Variants in EPM2A observed in about 807,000 individuals in gnomAD.
The protein encoded by EPM2A is laforin.
A neutral mutation model predicts 26.5 loss-of-function variants in EPM2A; 21 were observed. That is an observed-to-expected ratio of 0.79 (90% CI 0.56 to 1.14). EPM2A has a LOEUF of 1.14. Among genes scored for constraint, EPM2A ranks in the 50% most tolerant of loss-of-function variants. EPM2A has a pLI of 0.00. For missense variants in EPM2A, 458 were observed against 440.8 expected, an observed-to-expected ratio of 1.04 and a Z score of -0.35; for synonymous variants, 217 against 177.6, an observed-to-expected ratio of 1.22 and a Z score of -1.76.
chr6:145,701,935 A>G (rs1163556182), intron 1 of EPM2A, among the ~76,000 whole-genome samples: 2 of 152,198 alleles, frequency 1.3e-5, no homozygotes, highest in African/African-American at 4.8e-5. Context: ...AGCAAGAAAG[A>G]GAGTACCAGT....
intron 4 of EPM2A, among the ~76,000 whole-genome samples, chr6:145,471,799 G>A (rs1779477609): frequency 6.6e-6 from 1 of 152,086 alleles, no homozygotes; most frequent in East Asian, 1.9e-4. Flanking sequence ...CTGTTTCTAA[G>A]AAAACTTGAA....
At chr6:145,693,010 G>A (rs2128619902) in intron 1 of EPM2A, among the ~76,000 whole-genome samples, 1 of 152,086 alleles carries the variant, frequency 6.6e-6, no homozygotes, top group Middle Eastern at 3.4e-3. Context: ...GGGTAGTATG[G>A]CCACTTGAGC....
intron 4 of EPM2A, chr6:145,489,520 C>A: frequency 1.6e-6 from 1 of 608,818 alleles, no homozygotes; most frequent in Non-Finnish European, 2.8e-6. Flanking sequence ...AGCACAACAA[C>A]AAATAGCTTA....
At chr6:145,600,000 T>A (rs10457788) in intron 2 of EPM2A, among the ~76,000 whole-genome samples, 53,368 of 151,900 alleles carry the variant, frequency 0.35, 9,976 homozygotes, top group South Asian at 0.51. Context: ...TAAATTGTAT[T>A]TTCTAACATG....
At chr6:145,630,633 G>A (rs552331743) in intron 3 of EPM2A, 1 of 152,272 alleles carries the variant, frequency 6.6e-6, no homozygotes, top group South Asian at 2.1e-4. Context: ...GGGTACCAGA[G>A]AAGTAGCTGG....
chr6:145,554,048 C>T (rs1415442925), intron 2 of EPM2A, among the ~76,000 whole-genome samples: 4 of 151,634 alleles, frequency 2.6e-5, no homozygotes, highest in Admixed American at 1.3e-4. Context: ...TGTCAAAGCA[C>T]CTTACCATAA....
chr6:145,513,924 G>T (rs116747520), intron 2 of EPM2A, among the ~76,000 whole-genome samples: 2,064 of 152,232 alleles, frequency 0.014, 44 homozygotes, highest in African/African-American at 0.045. Flanking sequence ...CCTGCTACTT[G>T]TCCAATGCAA....
At chr6:145,628,372 T>G (rs1582915547) in intron 3 of EPM2A, 1 of 153,606 alleles carries the variant, frequency 6.5e-6, no homozygotes, top group East Asian at 1.9e-4. Context: ...TATTCAAATA[T>G]CTTCTCAACA....
chr6:145,601,416 A>G (rs1406711947), intron 2 of EPM2A, among the ~76,000 whole-genome samples: 1 of 152,190 alleles, frequency 6.6e-6, no homozygotes, highest in East Asian at 1.9e-4. Flanking sequence ...GTAGTAGTAC[A>G]GCAGGGTTTT....
intron 4 of EPM2A, among the ~76,000 whole-genome samples, chr6:145,391,384 A>G (rs1294372181): frequency 6.6e-6 from 1 of 152,162 alleles, no homozygotes; most frequent in African/African-American, 2.4e-5. Context: ...GAGGCTGTGC[A>G]CTGAGTGCCT....
chr6:145,563,527 T>C (rs984605595), intron 2 of EPM2A, among the ~76,000 whole-genome samples: 3 of 152,028 alleles, frequency 2.0e-5, no homozygotes, highest in African/African-American at 7.2e-5. Flanking sequence ...GATTTCATGG[T>C]AAGTGCAATA....
In EPM2A at chr6:145,625,821, C is replaced by T; in HGVS notation, c.*1595G>A. The T allele has an allele frequency of 1.9e-6, 3 of 1,547,822 alleles. No individual in the cohort carries two copies. Among genetic ancestry groups the T allele is most frequent in the Admixed American group, 1.9e-5 (1 of 51,640 alleles). ...AACTTACCTTGTATCCTTCTTGTCC[C>T]CCACGCCTTCTAAATAAGAGTCTCT... On this transcript the variant is annotated 3_prime_UTR_variant, in exon 4 of 4. Coordinates refer to ENST00000367519, the MANE Select transcript of EPM2A (RefSeq NM_005670.4).
At chr6:145,578,257 T>TG (rs1781062272) in intron 2 of EPM2A, among the ~76,000 whole-genome samples, 1 of 152,042 alleles carries the variant, frequency 6.6e-6, no homozygotes, top group Non-Finnish European at 1.5e-5. Context: ...GAATTACAAG[T>TG]TTTTTTGAAA....
intron 1 of EPM2A, among the ~76,000 whole-genome samples, chr6:145,696,098 G>A (rs887466437): frequency 6.6e-6 from 1 of 152,028 alleles, no homozygotes; most frequent in African/African-American, 2.4e-5. Context: ...ATAATGATAT[G>A]AAACTAGAAC....
intron 4 of EPM2A, among the ~76,000 whole-genome samples, chr6:145,432,946 C>G (rs1460260447): frequency 6.6e-6 from 1 of 152,120 alleles, no homozygotes. Flanking sequence ...GGTGAACCAA[C>G]TTTTTCTAAC....
downstream of EPM2A, among the ~76,000 whole-genome samples, chr6:145,501,140 T>C (rs111523312): frequency 1.5e-3 from 222 of 152,276 alleles, no homozygotes; most frequent in African/African-American, 5.1e-3. Context: ...CTCTCAACTT[T>C]TACAAGCAAA....
chr6:145,582,709 T>C (rs1781132141), intron 2 of EPM2A, among the ~76,000 whole-genome samples: 1 of 152,248 alleles, frequency 6.6e-6, no homozygotes, highest in Admixed American at 6.5e-5. Flanking sequence ...TCTGTAGTGA[T>C]ACTGGGGAAA....
chr6:145,594,373 A>G (rs978986113), intron 2 of EPM2A, among the ~76,000 whole-genome samples: 5 of 151,926 alleles, frequency 3.3e-5, no homozygotes, highest in African/African-American at 1.2e-4. Flanking sequence ...TATCCTGAGT[A>G]TTACAGTAAG....
intron 4 of EPM2A, chr6:145,490,950 C>T (rs1269113685): frequency 4.8e-6 from 4 of 829,062 alleles, no homozygotes; most frequent in Admixed American, 3.7e-5. Flanking sequence ...TTTATGGATG[C>T]TTGGCAGAAT....
Sources: allele counts gnomAD v4.1 joint callset (sites outside exome capture counted in the v4.1 genomes callset), GRCh38; gene constraint gnomAD v4.1.1; transcripts MANE v1.5; gene names NCBI Gene and HGNC (gene_info 2026-07-23, HGNC 2026-07-21).